COL19A1: variants seen among roughly 807,000 people sequenced by gnomAD.
COL19A1 encodes collagen type XIX alpha 1 chain.
A neutral mutation model predicts 190.2 loss-of-function variants in COL19A1; 159 were observed. The observed-to-expected ratio is 0.84, with a 90% CI of 0.73 to 0.95. The LOEUF is 0.95. Ranked by LOEUF, COL19A1 falls within the 40% of genes least tolerant of loss-of-function variation. The pLI, the probability that COL19A1 is intolerant of heterozygous loss-of-function variation, is 0.00. For missense variants in COL19A1, 1,418 were observed against 1,431.9 expected (o/e 0.99, Z 0.16); for synonymous variants, 509 against 458.9 (o/e 1.11, Z -1.39).
intron 16 of COL19A1, among the ~76,000 whole-genome samples, chr6:70,112,432 G>T (rs555681086): frequency 6.6e-6 from 1 of 152,190 alleles, no homozygotes; most frequent in South Asian, 2.1e-4. Context: ...AGGACATACT[G>T]GGGAGAGATG....
At chr6:70,045,052 C>T (rs985681758) in intron 14 of COL19A1, among the ~76,000 whole-genome samples, 2 of 152,088 alleles carry the variant, frequency 1.3e-5, no homozygotes, top group Admixed American at 1.3e-4. Flanking sequence ...GTGGCTCACA[C>T]CTGTAATCCC....
chr6:69,896,870 T>C (rs1227633850), intron 2 of COL19A1, among the ~76,000 whole-genome samples: 1 of 152,252 alleles, frequency 6.6e-6, no homozygotes, highest in Non-Finnish European at 1.5e-5. Flanking sequence ...TGAGAGTTCA[T>C]TGTATATTCT....
intron 9 of COL19A1, among the ~76,000 whole-genome samples, chr6:69,942,812 C>T (rs938018278): frequency 7.4e-5 from 11 of 149,556 alleles, no homozygotes; most frequent in South Asian, 2.1e-4. Context: ...TGATAGACAC[C>T]CATTTTGATT....
intron 14 of COL19A1, among the ~76,000 whole-genome samples, chr6:70,067,035 G>C (rs1298401473): frequency 6.6e-6 from 1 of 152,146 alleles, no homozygotes; most frequent in Non-Finnish European, 1.5e-5. Context: ...TTCTGTTATA[G>C]ATTAGAGCCT....
At chr6:69,946,938 G>C (rs34394612) in intron 9 of COL19A1, among the ~76,000 whole-genome samples, 38,915 of 151,678 alleles carry the variant, frequency 0.26, 6,127 homozygotes, top group Non-Finnish European at 0.35. Context: ...AGTTTTACTG[G>C]AACACAGCCA....
At chr6:70,126,159 A>AC (rs1280520442) in intron 17 of COL19A1, among the ~76,000 whole-genome samples, 2 of 151,990 alleles carry the variant, frequency 1.3e-5, no homozygotes, top group Non-Finnish European at 1.5e-5. Context: ...ATCCAAAAAA[A>AC]AAAAAACCAA....
chr6:69,921,117 A>G (rs1422396503), intron 4 of COL19A1, among the ~76,000 whole-genome samples: 1 of 116,200 alleles, frequency 8.6e-6, no homozygotes, highest in Non-Finnish European at 1.6e-5. Context: ...ATATACATAT[A>G]TATCACATAT....
chr6:70,069,629 A>G (rs1030183185), intron 15 of COL19A1, among the ~76,000 whole-genome samples: 10 of 152,134 alleles, frequency 6.6e-5, no homozygotes, highest in African/African-American at 1.7e-4. Flanking sequence ...ATTATGGCCT[A>G]AGATTGAGCC....
intron 4 of COL19A1, among the ~76,000 whole-genome samples, chr6:69,910,611 C>G (rs1770849109): frequency 1.3e-5 from 2 of 152,100 alleles, no homozygotes; most frequent in African/African-American, 4.8e-5. Flanking sequence ...CTAAAGTGTT[C>G]TATTTTGATA....
intron 6 of COL19A1, among the ~76,000 whole-genome samples, chr6:69,930,384 G>A (rs547684833): frequency 6.6e-6 from 1 of 152,086 alleles, no homozygotes; most frequent in East Asian, 1.9e-4. Flanking sequence ...ATGGCTGCAC[G>A]TTTTCTTAGT....
intron 18 of COL19A1, among the ~76,000 whole-genome samples, chr6:70,132,679 G>C (rs1241453945): frequency 6.6e-6 from 1 of 152,048 alleles, no homozygotes; most frequent in Non-Finnish European, 1.5e-5. Context: ...CCACACTCAG[G>C]CTCCATCCAC....
rs140048960 is a variant in COL19A1 at position 70,000,351 on chromosome 6, C to A, written c.1027-23276C>A. On this transcript the variant is annotated intron_variant, in intron 11 of 50. Coordinates refer to ENST00000620364, the MANE Select transcript of COL19A1 (RefSeq NM_001858.6). ...CATACGTGTACATGTGTCTTTATAG[C>A]AGAATGATTTATATTCCTTTGGGTA... Among the ~76,000 whole-genome samples, 515 of 152,240 alleles carry A rather than the reference C, an allele frequency of 3.4e-3. 3 individuals carry two copies. Among genetic ancestry groups the A allele is most frequent in the African/African-American group, 0.012 (494 of 41,542 alleles).
intron 48 of COL19A1, among the ~76,000 whole-genome samples, chr6:70,194,677 G>T (rs1033928972): frequency 5.3e-5 from 8 of 152,242 alleles, no homozygotes; most frequent in African/African-American, 1.4e-4. Flanking sequence ...TGAGGCTCTT[G>T]CCAGATCTGA....
At chr6:70,201,295 A>G (rs111591207) in intron 49 of COL19A1, among the ~76,000 whole-genome samples, 1,817 of 152,292 alleles carry the variant, frequency 0.012, 42 homozygotes, top group African/African-American at 0.039. Flanking sequence ...GGCTTCAGAC[A>G]CCTCACAGGT....
chr6:70,110,092 T>G (rs1394108826), intron 16 of COL19A1, among the ~76,000 whole-genome samples: 1 of 152,202 alleles, frequency 6.6e-6, no homozygotes, highest in Non-Finnish European at 1.5e-5. Context: ...TAAAACAATT[T>G]AGTGTCCCAA....
chr6:69,958,972 A>G (rs1411078602), intron 9 of COL19A1, among the ~76,000 whole-genome samples: 1 of 152,216 alleles, frequency 6.6e-6, no homozygotes, highest in Non-Finnish European at 1.5e-5. Context: ...AATTAATTGT[A>G]AATATTTGAT....
chr6:70,045,803 C>G (rs1235335724), intron 14 of COL19A1, among the ~76,000 whole-genome samples: 3 of 152,198 alleles, frequency 2.0e-5, no homozygotes, highest in Admixed American at 1.3e-4. Flanking sequence ...TTCAATCCAG[C>G]AAGTCTGTAG....
At chr6:70,003,828 T>C (rs1777435849) in intron 11 of COL19A1, among the ~76,000 whole-genome samples, 1 of 152,202 alleles carries the variant, frequency 6.6e-6, no homozygotes. Context: ...TCTATCCAAT[T>C]TGCCAGTCTG....
intron 8 of COL19A1, 97 bp from the exon 9 acceptor site, chr6:69,937,941 C>A: frequency 2.6e-6 from 3 of 1,144,336 alleles, no homozygotes; most frequent in South Asian, 1.4e-5. Flanking sequence ...GAGAACAAAG[C>A]GTTATCTTGC....
Sources: allele counts gnomAD v4.1 joint callset (sites outside exome capture counted in the v4.1 genomes callset), GRCh38; gene constraint gnomAD v4.1.1; transcripts MANE v1.5; gene names NCBI Gene and HGNC (gene_info 2026-07-23, HGNC 2026-07-21).